CBR4: variants seen among roughly 807,000 people sequenced by gnomAD.
CBR4 encodes the protein 3-oxoacyl-[acyl-carrier-protein] reductase.
In CBR4, 22 loss-of-function variants were observed where a neutral mutation model predicts 21.0. The observed-to-expected ratio is 1.05, with a 90% CI of 0.75 to 1.50. The LOEUF (loss-of-function observed/expected upper bound fraction) is 1.50, where lower values mean the gene tolerates loss of function less well. CBR4 is among the 40% of genes most tolerant of loss of function. The pLI, the probability that CBR4 is intolerant of heterozygous loss-of-function variation, is 0.00. For missense variants in CBR4, 302 were observed against 286.3 expected (o/e 1.05, Z -0.40); for synonymous variants, 100 against 104.4 (o/e 0.96, Z 0.26).
At chr4:168,924,931 A>C (rs1447999815) in intron 2 of CBR4, 1 of 1,613,934 alleles carries the variant, frequency 6.2e-7, no homozygotes. Flanking sequence ...TAATGACTTT[A>C]TCCTTTTCTC....
rs59427697 is a variant in CBR4, at chr4:168,905,790, C to CTTTTTT, written n.170-11031_170-11026dup. Reference sequence around the variant, plus strand: ...ACAAAAGCGGAACTTGCTTTTTTTTCTTTTTTTTTTTTTTTTTTTTCTTTT... The same window carrying CTTTTTT: ...ACAAAAGCGGAACTTGCTTTTTTTTCTTTTTTTTTTTTTTTTTTTTTTTTTTCTTTT... On this transcript the variant is annotated intron_variant and non_coding_transcript_variant, in intron 2 of 3. Transcript: ENST00000509108. 2.0e-3 allele frequency among the ~76,000 whole-genome samples: 230 copies of CTTTTTT among 113,138 alleles called. 2 individuals carry two copies. Among genetic ancestry groups the CTTTTTT allele is most frequent in the Non-Finnish European group, 2.3e-3 (130 of 57,722 alleles). The allele number at this position is 113,138 out of a possible 152,430, so 74.2% of individuals were successfully genotyped here.
chr4:168,959,619 G>T (rs1411844606), intron 2 of CBR4, among the ~76,000 whole-genome samples: 1 of 130,096 alleles, frequency 7.7e-6, no homozygotes, highest in Admixed American at 8.8e-5. Flanking sequence ...AGGCTGGAAT[G>T]CAGTGGCATG....
intron 2 of CBR4, among the ~76,000 whole-genome samples, chr4:168,953,588 T>C (rs1763606685): frequency 6.6e-6 from 1 of 151,136 alleles, no homozygotes; most frequent in Admixed American, 6.6e-5. Context: ...CCTGCAAAGC[T>C]AATTTTTTTT....
chr4:168,966,874 C>T (rs566153818), intron 2 of CBR4, among the ~76,000 whole-genome samples: 7 of 152,024 alleles, frequency 4.6e-5, no homozygotes, highest in Non-Finnish European at 1.0e-4. Context: ...AAAAACTAGC[C>T]GGGTGTGGTG....
At chr4:168,965,277 A>G (rs972413498) in intron 2 of CBR4, among the ~76,000 whole-genome samples, 4 of 152,202 alleles carry the variant, frequency 2.6e-5, no homozygotes, top group South Asian at 2.1e-4. Context: ...AAATGTAAAA[A>G]CATTCCATTC....
At chr4:168,906,417 G>A (rs1468810929) in intron 2 of CBR4, among the ~76,000 whole-genome samples, 1 of 152,184 alleles carries the variant, frequency 6.6e-6, no homozygotes, top group Non-Finnish European at 1.5e-5. Flanking sequence ...GCCAATGGCA[G>A]TGTGCAGAGT....
intron 2 of CBR4, among the ~76,000 whole-genome samples, chr4:168,958,727 C>T (rs578248728): frequency 2.0e-5 from 3 of 152,260 alleles, no homozygotes; most frequent in Admixed American, 1.3e-4. Flanking sequence ...CAGCCTTTTT[C>T]CTTTCAGCCA....
chr4:168,994,034 A>G (rs1218567437), intron 4 of CBR4, among the ~76,000 whole-genome samples: 1 of 151,906 alleles, frequency 6.6e-6, no homozygotes, highest in Non-Finnish European at 1.5e-5. Context: ...AATTAAAGAC[A>G]CACACAGAAA....
chr4:168,915,828 A>G, intron 2 of CBR4: 4 of 1,239,176 alleles, frequency 3.2e-6, no homozygotes, highest in Non-Finnish European at 4.8e-6. Context: ...AAGAAAACAG[A>G]TGACTAAAAG....
Position 168,988,005 on chromosome 4 carries a change from A to C in CBR4, c.*2145T>G. ...CCCTTATGGGCTCATAGGAGTCAGC[A>C]AACAGCTACAGATGAGTCTTCTTGT... On this transcript the variant is annotated 3_prime_UTR_variant, in exon 5 of 5. Transcript: ENST00000306193. 3 of 985,446 alleles carry C rather than the reference A, an allele frequency of 3.0e-6. No homozygotes were observed. The highest frequency in any genetic ancestry group is 3.6e-6 in the Non-Finnish European group (3 of 829,920). 61.0% of individuals were successfully genotyped at this position (985,446 alleles called of 1,614,324 possible).
At chr4:168,935,516 G>T (rs1328704339) in intron 2 of CBR4, among the ~76,000 whole-genome samples, 1 of 152,124 alleles carries the variant, frequency 6.6e-6, no homozygotes, top group African/African-American at 2.4e-5. Context: ...CCACTGGCTT[G>T]AAATTCTCAC....
intron 4 of CBR4, among the ~76,000 whole-genome samples, chr4:168,990,559 C>A (rs1224534288): frequency 2.0e-4 from 30 of 151,928 alleles, no homozygotes; most frequent in Admixed American, 2.0e-3. Flanking sequence ...GCCTCAGCCT[C>A]CCAAGTAGCT....
At chr4:168,894,819 A>G (rs1426489484) in intron 2 of CBR4, 9 of 1,374,850 alleles carry the variant, frequency 6.5e-6, no homozygotes, top group Middle Eastern at 1.8e-4. Context: ...TCATCAGTCA[A>G]CCTCACAGCT....
intron 2 of CBR4, among the ~76,000 whole-genome samples, chr4:168,949,692 G>A (rs1035765133): frequency 3.9e-5 from 6 of 152,140 alleles, no homozygotes; most frequent in African/African-American, 1.4e-4. Context: ...AAAAGGATTG[G>A]TACCAATTCT....
At chr4:168,928,256 G>T (rs1336451238) in intron 2 of CBR4, 2 of 182,832 alleles carry the variant, frequency 1.1e-5, no homozygotes, top group Non-Finnish European at 2.3e-5. Context: ...TTCTGAATGT[G>T]ACCTTTTTTT....
intron 2 of CBR4, among the ~76,000 whole-genome samples, chr4:168,940,371 C>T (rs1036180203): frequency 5.9e-5 from 9 of 152,070 alleles, no homozygotes; most frequent in African/African-American, 2.2e-4. Flanking sequence ...ATTCAGGACA[C>T]AGGCATGGGC....
intron 2 of CBR4, chr4:168,927,513 T>C (rs970232517): frequency 4.3e-6 from 1 of 232,040 alleles, no homozygotes; most frequent in East Asian, 6.1e-5. Context: ...GTGGCATAAA[T>C]GAGAAATTGC....
At chr4:169,005,470 C>T (rs969600662) in intron 3 of CBR4, 3 of 160,708 alleles carry the variant, frequency 1.9e-5, no homozygotes, top group African/African-American at 7.2e-5. Context: ...GTAGTCCTTC[C>T]TGTAGTAAGA....
intron 2 of CBR4, among the ~76,000 whole-genome samples, chr4:168,922,161 C>T (rs2126518289): frequency 6.6e-6 from 1 of 150,710 alleles, no homozygotes; most frequent in East Asian, 1.9e-4. Flanking sequence ...TTTAAAACAA[C>T]ACTGTCATCT....
Sources: allele counts gnomAD v4.1 joint callset (sites outside exome capture counted in the v4.1 genomes callset), GRCh38; gene constraint gnomAD v4.1.1; transcripts MANE v1.5; gene names NCBI Gene and HGNC (gene_info 2026-07-23, HGNC 2026-07-21).